The following FSTL4 variants were observed in gnomAD, a reference collection of about 807,000 sequenced individuals.
FSTL4 encodes follistatin-related protein 4.
In FSTL4, 28 loss-of-function variants were observed where a neutral mutation model predicts 78.2. The ratio of observed to expected loss-of-function variants is 0.36; its 90% CI spans 0.27 to 0.49. The LOEUF is 0.49. FSTL4 is among the 20% of genes least tolerant of loss of function. The pLI, the probability that FSTL4 is intolerant of heterozygous loss-of-function variation, is 0.98. For missense variants in FSTL4, 922 were observed against 1,084.9 expected (o/e 0.85, Z 2.11); for synonymous variants, 422 against 440.5 (o/e 0.96, Z 0.53).
the FSTL4 span, among the ~76,000 whole-genome samples, chr5:133,703,447 C>G: frequency 6.6e-6 from 1 of 152,172 alleles, no homozygotes; most frequent in African/African-American, 2.4e-5. Flanking sequence ...AGATTAGACA[C>G]CAGGACTGTC....
At chr5:133,205,918 A>C (rs1269276951) in intron 14 of FSTL4, among the ~76,000 whole-genome samples, 1 of 152,254 alleles carries the variant, frequency 6.6e-6, no homozygotes, top group East Asian at 1.9e-4. Context: ...TCGGAGTCAG[A>C]CACCCCGAGC....
chr5:133,643,118 G>A, the FSTL4 span, among the ~76,000 whole-genome samples: 1 of 152,198 alleles, frequency 6.6e-6, no homozygotes, highest in East Asian at 1.9e-4. Flanking sequence ...AGTAAAATAA[G>A]TAGGATGCAG....
At chr5:133,622,401 A>C in the FSTL4 span, among the ~76,000 whole-genome samples, 1 of 152,216 alleles carries the variant, frequency 6.6e-6, no homozygotes, top group Non-Finnish European at 1.5e-5. Flanking sequence ...TATGCCCATG[A>C]GTACAATTGT....
chr5:133,404,615 A>G (rs75138483), intron 3 of FSTL4, among the ~76,000 whole-genome samples: 4,043 of 152,280 alleles, frequency 0.027, 181 homozygotes, highest in African/African-American at 0.091. Context: ...TGATCTGAAT[A>G]AGGATTTTCA....
intron 4 of FSTL4, among the ~76,000 whole-genome samples, chr5:133,335,428 A>C (rs1754442186): frequency 6.6e-6 from 1 of 151,636 alleles, no homozygotes; most frequent in African/African-American, 2.4e-5. Flanking sequence ...ACAAAAAGAG[A>C]CGTCAAGGGT....
chr5:133,267,405 C>T (rs1203321440), intron 6 of FSTL4, among the ~76,000 whole-genome samples: 2 of 152,198 alleles, frequency 1.3e-5, no homozygotes, highest in African/African-American at 4.8e-5. Flanking sequence ...CTTCACAAAG[C>T]ACGCTCATAT....
chr5:133,627,631 A>ACCC, the FSTL4 span, among the ~76,000 whole-genome samples: 1 of 152,202 alleles, frequency 6.6e-6, no homozygotes, highest in Non-Finnish European at 1.5e-5. Flanking sequence ...CTATAATGTT[A>ACCC]TATTTGAAGT....
the FSTL4 span, among the ~76,000 whole-genome samples, chr5:133,677,426 T>C: frequency 5.9e-5 from 9 of 152,224 alleles, no homozygotes; most frequent in Admixed American, 5.2e-4. Flanking sequence ...ATTAAGGACT[T>C]CTGAGGTCTC....
rs906184760 is a variant in FSTL4, at chr5:133,233,405, C to A, written c.1015+12G>T. ...CTATGAGGGGACAACATGCATGGAG[C>A]CATTTACTAACCATTCACCTGCAGG... is the stretch of plus-strand genomic sequence containing the variant. On this transcript the variant is annotated intron_variant, in intron 8 of 15. Transcript: ENST00000265342. 1 of 1,613,946 alleles carries A rather than the reference C, an allele frequency of 6.2e-7. No individual in the cohort carries two copies. The highest frequency in any genetic ancestry group is 8.5e-7 in the Non-Finnish European group (1 of 1,179,974).
chr5:133,671,473 A>T, the FSTL4 span, among the ~76,000 whole-genome samples: 1 of 152,210 alleles, frequency 6.6e-6, no homozygotes, highest in East Asian at 1.9e-4. Context: ...TAATGTTACA[A>T]ATGCTTGTTC....
At chr5:133,330,755 A>G (rs1467874337) in intron 4 of FSTL4, among the ~76,000 whole-genome samples, 2 of 152,220 alleles carry the variant, frequency 1.3e-5, no homozygotes, top group African/African-American at 4.8e-5. Flanking sequence ...AAGATTTGCT[A>G]TAAAAAGGTG....
the FSTL4 span, among the ~76,000 whole-genome samples, chr5:133,798,322 C>T: frequency 2.6e-5 from 4 of 152,130 alleles, no homozygotes; most frequent in Non-Finnish European, 5.9e-5. Context: ...TCAGCCATCT[C>T]GCTTCCCAGA....
intron 3 of FSTL4, among the ~76,000 whole-genome samples, chr5:133,495,091 A>T: frequency 6.6e-6 from 1 of 152,190 alleles, no homozygotes; most frequent in East Asian, 1.9e-4. Flanking sequence ...CCATCCGGGG[A>T]AACGAGCAGC....
chr5:133,578,451 A>G (rs26359), intron 2 of FSTL4, among the ~76,000 whole-genome samples: 76,943 of 152,090 alleles, frequency 0.51, 19,625 homozygotes, highest in African/African-American at 0.56. Context: ...CATGGGCAGA[A>G]TCCCACAGAG....
At chr5:133,806,634 C>A in the FSTL4 span, among the ~76,000 whole-genome samples, 3 of 152,304 alleles carry the variant, frequency 2.0e-5, no homozygotes, top group Admixed American at 6.5e-5. Context: ...CAGGAACAAA[C>A]CTTTCCTGAG....
At chr5:133,729,226 AACACACACACAC>A in the FSTL4 span, among the ~76,000 whole-genome samples, 15 of 148,362 alleles carry the variant, frequency 1.0e-4, no homozygotes, top group African/African-American at 1.5e-4. Context: ...GATTTATGAA[AACACACACACAC>A]ACACACACAC....
chr5:133,635,885 C>T, the FSTL4 span, among the ~76,000 whole-genome samples: 8 of 152,336 alleles, frequency 5.3e-5, no homozygotes, highest in Admixed American at 2.6e-4. Context: ...CCCAGTTCAA[C>T]TTAAGCCCAG....
chr5:133,271,444 C>T (rs535809522), intron 6 of FSTL4, among the ~76,000 whole-genome samples: 2 of 152,228 alleles, frequency 1.3e-5, no homozygotes, highest in Admixed American at 6.5e-5. Context: ...TCAGCCCAGC[C>T]GAGGGAAGGC....
chr5:133,748,586 A>T, the FSTL4 span, among the ~76,000 whole-genome samples: 27 of 151,886 alleles, frequency 1.8e-4, no homozygotes, highest in African/African-American at 6.5e-4. Context: ...CACACACACA[A>T]AATAAGACAA....
Sources: gnomAD v4.1 joint callset for allele counts (sites outside exome capture counted in the v4.1 genomes callset) on GRCh38, gnomAD v4.1.1 for gene constraint, MANE v1.5 for transcripts, NCBI Gene and HGNC (gene_info 2026-07-23, HGNC 2026-07-21) for gene names.